Variants in TEAD1 observed in about 807,000 individuals in gnomAD.
TEAD1 encodes TEA domain transcription factor 1, also known as transcriptional enhancer factor TEF-1.
A neutral mutation model predicts 54.9 loss-of-function variants in TEAD1; 9 were observed. The ratio of observed to expected loss-of-function variants is 0.16; its 90% confidence interval spans 0.10 to 0.29. The LOEUF is 0.29. Among genes scored for constraint, TEAD1 ranks in the 10% least tolerant of loss-of-function variants. The probability of loss-of-function intolerance (pLI) is 1.00; values close to 1 mark genes in which losing one functional copy is unlikely to be tolerated. For synonymous variants in TEAD1, 200 were observed against 187.8 expected (o/e 1.07, Z -0.53); for missense variants, 387 against 535.9 (o/e 0.72, Z 2.74).
chr11:12,786,812 A>G (rs930654135), intron 3 of TEAD1, among the ~76,000 whole-genome samples: 6 of 152,208 alleles, frequency 3.9e-5, no homozygotes, highest in African/African-American at 1.4e-4. Context: ...AGTGATAAAG[A>G]GGAAAATAAA....
At chr11:12,899,810 T>C (rs1948389420) in intron 9 of TEAD1, among the ~76,000 whole-genome samples, 1 of 152,124 alleles carries the variant, frequency 6.6e-6, no homozygotes, top group Non-Finnish European at 1.5e-5. Flanking sequence ...AAGATACCAC[T>C]CTGATGTTGA....
intron 2 of TEAD1, among the ~76,000 whole-genome samples, chr11:12,753,590 T>C (rs978968767): frequency 1.3e-5 from 2 of 152,216 alleles, no homozygotes; most frequent in African/African-American, 4.8e-5. Flanking sequence ...TTTACTTTTT[T>C]TTCTATTGGG....
chr11:12,810,536 C>T (rs777214129), intron 3 of TEAD1, among the ~76,000 whole-genome samples: 5 of 152,180 alleles, frequency 3.3e-5, no homozygotes, highest in African/African-American at 4.8e-5. Flanking sequence ...TGCTGAGACA[C>T]ATCCTCCCTC....
intron 2 of TEAD1, among the ~76,000 whole-genome samples, chr11:12,693,266 T>C (rs1337526190): frequency 6.6e-6 from 1 of 152,228 alleles, no homozygotes; most frequent in African/African-American, 2.4e-5. Flanking sequence ...AGAAGGCCAG[T>C]CAGCACATGG....
intron 8 of TEAD1, among the ~76,000 whole-genome samples, 168 bp from the exon 9 acceptor site, chr11:12,882,833 T>C (rs1345591011): frequency 6.6e-6 from 1 of 152,196 alleles, no homozygotes; most frequent in African/African-American, 2.4e-5. Context: ...TTACCATCAC[T>C]GGGGCCCTCT....
At chr11:12,807,639 C>T (rs1433860552) in intron 3 of TEAD1, among the ~76,000 whole-genome samples, 2 of 152,184 alleles carry the variant, frequency 1.3e-5, no homozygotes, top group Non-Finnish European at 2.9e-5. Flanking sequence ...TATTAGCTCA[C>T]TTGTGTAAGG....
chr11:12,718,131 A>G (rs2133861471), intron 2 of TEAD1, among the ~76,000 whole-genome samples: 1 of 152,156 alleles, frequency 6.6e-6, no homozygotes, highest in Non-Finnish European at 1.5e-5. Flanking sequence ...TCCGCTTATA[A>G]CCCTGTCTCC....
intron 5 of TEAD1, among the ~76,000 whole-genome samples, chr11:12,871,654 G>A (rs560692076): frequency 6.6e-6 from 1 of 152,040 alleles, no homozygotes; most frequent in East Asian, 1.9e-4. Flanking sequence ...AGAAGCTCAC[G>A]GTAGCCACAG....
At chr11:12,724,550 G>A (rs990540308) in intron 2 of TEAD1, among the ~76,000 whole-genome samples, 1 of 152,236 alleles carries the variant, frequency 6.6e-6, no homozygotes, top group Non-Finnish European at 1.5e-5. Context: ...CTGAATGCGA[G>A]TGCTTTCTTC....
intron 3 of TEAD1, among the ~76,000 whole-genome samples, chr11:12,832,361 T>C (rs1012712085): frequency 6.6e-6 from 1 of 152,160 alleles, no homozygotes; most frequent in African/African-American, 2.4e-5. Context: ...GGGGGAAAAA[T>C]CCAAGTTTTT....
chr11:12,748,134 G>A (rs1006148994), intron 2 of TEAD1, among the ~76,000 whole-genome samples: 3 of 152,002 alleles, frequency 2.0e-5, no homozygotes, highest in African/African-American at 7.2e-5. Context: ...GCTAATTTTT[G>A]TATTCTTAGT....
chr11:12,786,055 A>G (rs965111027), intron 3 of TEAD1, among the ~76,000 whole-genome samples: 4 of 152,176 alleles, frequency 2.6e-5, no homozygotes, highest in African/African-American at 9.7e-5. Flanking sequence ...AGGGGAGCCA[A>G]GGCCCTGGGC....
At chr11:12,823,657 A>G (rs1450134680) in intron 3 of TEAD1, 5 of 152,204 alleles carry the variant, frequency 3.3e-5, no homozygotes, top group Admixed American at 6.5e-5. Flanking sequence ...TAATGCACCA[A>G]CCTTTGGATG....
chr11:12,823,340 C>T (rs1372426750), intron 3 of TEAD1: 1 of 152,202 alleles, frequency 6.6e-6, no homozygotes, highest in African/African-American at 2.4e-5. Flanking sequence ...AATGTTCCCA[C>T]TTCATAGGTA....
chr11:12,727,743 GC>G (rs1944342831), intron 2 of TEAD1, among the ~76,000 whole-genome samples: 2 of 152,268 alleles, frequency 1.3e-5, no homozygotes, highest in East Asian at 3.9e-4. Context: ...TGTGTGAGAT[GC>G]CGTAGATAAG....
At chr11:12,771,034 G>A (rs1385976212) in intron 3 of TEAD1, among the ~76,000 whole-genome samples, 2 of 152,256 alleles carry the variant, frequency 1.3e-5, no homozygotes, top group African/African-American at 4.8e-5. Context: ...TTTTAGGACT[G>A]TTGCATGTAA....
At chr11:12,879,007 C>T in intron 5 of TEAD1, 2 of 920,316 alleles carry the variant, frequency 2.2e-6, no homozygotes, top group Non-Finnish European at 3.0e-6. Context: ...AAGACCCGTT[C>T]AGGAAAAGGA....
At chr11:12,685,104 G>A (rs1361710952) in intron 2 of TEAD1, among the ~76,000 whole-genome samples, 1 of 152,214 alleles carries the variant, frequency 6.6e-6, no homozygotes, top group African/African-American at 2.4e-5. Flanking sequence ...TGACTGGTCT[G>A]AGCAGTTAAG....
Position 12,852,216 on chromosome 11 carries a change from T to C in TEAD1, c.203-10034T>C, listed in dbSNP as rs933254265. 7.5e-5 allele frequency among the ~76,000 whole-genome samples: 10 copies of C among 133,108 alleles called. No homozygotes were observed. The Admixed American group carries it at 8.2e-4, about 11-fold the overall frequency. 87.3% of individuals were successfully genotyped at this position (133,108 alleles called of 152,430 possible). ...AGAATAGAGGAGCCCTATACAGGAGTGGGCTCTTAGCTTTAGGTACCAGAC... is the reference window on the plus strand; with the variant it reads ...AGAATAGAGGAGCCCTATACAGGAGCGGGCTCTTAGCTTTAGGTACCAGAC... On this transcript the variant is annotated intron_variant, in intron 3 of 12. Coordinates refer to ENST00000527636, the MANE Select transcript of TEAD1 (RefSeq NM_021961.6).
Sources: gnomAD v4.1 joint callset for allele counts (sites outside exome capture counted in the v4.1 genomes callset) on GRCh38, gnomAD v4.1.1 for gene constraint, MANE v1.5 for transcripts, NCBI Gene and HGNC (gene_info 2026-07-23, HGNC 2026-07-21) for gene names.